Variants in RAB14 observed in about 807,000 individuals in gnomAD.
RAB14 encodes ras-related protein Rab-14.
In RAB14, 3 loss-of-function variants were observed where a neutral mutation model predicts 31.1. That is an observed-to-expected ratio of 0.10 (90% CI 0.04 to 0.25). The LOEUF is 0.25. Ranked by LOEUF, RAB14 falls within the 10% of genes least tolerant of loss-of-function variation. The pLI is 1.00. For synonymous variants in RAB14, 85 were observed against 84.9 expected (o/e 1.00, Z 0.00); for missense variants, 111 against 260.1 (o/e 0.43, Z 3.94).
At chr9:121,190,226 G>A (rs965922028) in intron 4 of RAB14, among the ~76,000 whole-genome samples, 6 of 152,038 alleles carry the variant, frequency 3.9e-5, no homozygotes, top group Non-Finnish European at 7.4e-5. Context: ...CCAAGAGTGA[G>A]TTGCTTGCTT....
chr9:121,193,559 A>G (rs2053698018), intron 1 of RAB14, 140 bp from the exon 2 acceptor site: 4 of 601,850 alleles, frequency 6.6e-6, no homozygotes, highest in Non-Finnish European at 8.8e-6. Context: ...ATAAAACTGC[A>G]TTTCACAAAC....
chr9:121,199,479 T>C (rs12335895), intron 1 of RAB14, among the ~76,000 whole-genome samples: 1,861 of 152,326 alleles, frequency 0.012, 120 homozygotes, highest in Admixed American at 0.093. Context: ...CATCTCTCAA[T>C]AGCCCAAGTT....
Position 121,182,883 on chromosome 9 carries a change from G to C in RAB14, c.470+47C>G, listed in dbSNP as rs370183802. 4 of 1,542,454 alleles carry C rather than the reference G, an allele frequency of 2.6e-6. No individual in the cohort carries two copies. The Admixed American group carries it at 6.9e-5, about 26-fold the overall frequency. On this transcript the variant is annotated intron_variant, in intron 7 of 7. Transcript: ENST00000373840. ...CTTTTCATATATACGGTTCTACTTTGAGAAACTTGAATATAATTGAAATAT... is the reference window on the plus strand; with the variant it reads ...CTTTTCATATATACGGTTCTACTTTCAGAAACTTGAATATAATTGAAATAT...
chr9:121,189,961 T>C (rs913064475), intron 4 of RAB14, among the ~76,000 whole-genome samples: 18 of 152,268 alleles, frequency 1.2e-4, no homozygotes, highest in Admixed American at 1.1e-3. Flanking sequence ...TACAGTAGTT[T>C]TATTACTTTA....
chr9:121,183,436 A>G (rs1395623150), intron 5 of RAB14, 38 bp from the exon 6 acceptor site: 1 of 1,478,252 alleles, frequency 6.8e-7, no homozygotes, highest in Non-Finnish European at 9.3e-7. Context: ...TTGTAACAAA[A>G]GCAGTAATTT....
chr9:121,189,791 C>T (rs888684363), intron 4 of RAB14, among the ~76,000 whole-genome samples: 15 of 152,096 alleles, frequency 9.9e-5, no homozygotes, highest in African/African-American at 3.6e-4. Flanking sequence ...CCCACTCGCC[C>T]ATCTTTACCC....
At chr9:121,185,326 T>G (rs940078104) in intron 5 of RAB14, among the ~76,000 whole-genome samples, 3 of 152,174 alleles carry the variant, frequency 2.0e-5, no homozygotes, top group Non-Finnish European at 4.4e-5. Context: ...TAGGATGTTA[T>G]GTAACTATAA....
At chr9:121,192,133 A>T in intron 3 of RAB14, 38 bp downstream of exon 3, 1 of 1,402,820 alleles carries the variant, frequency 7.1e-7, no homozygotes, top group Non-Finnish European at 9.8e-7. Flanking sequence ...ATGGCGATAA[A>T]GAAAACTATT....
chr9:121,199,264 C>A lies in RAB14; in HGVS notation c.-8+2375G>T, dbSNP rs1441705919. 2.0e-5 allele frequency among the ~76,000 whole-genome samples: 3 copies of A among 152,170 alleles called. No homozygotes were observed. The East Asian group carries it at 5.8e-4, about 29-fold the overall frequency. On this transcript the variant is annotated intron_variant, in intron 1 of 7. Coordinates refer to ENST00000373840, the MANE Select transcript of RAB14 (RefSeq NM_016322.4). ...TGTATATTGATGAAGCAAGACTGAT[C>A]ACTGTTGACACTGGCTGATAGGTAT...
At chr9:121,194,131 T>C (rs1043779401) in intron 1 of RAB14, among the ~76,000 whole-genome samples, 1 of 113,514 alleles carries the variant, frequency 8.8e-6, no homozygotes, top group Non-Finnish European at 2.1e-5. Context: ...CACACACACA[T>C]TTTTTGAAGA....
intron 1 of RAB14, among the ~76,000 whole-genome samples, chr9:121,198,776 C>T (rs992046153): frequency 2.0e-5 from 3 of 152,306 alleles, no homozygotes; most frequent in Non-Finnish European, 2.9e-5. Flanking sequence ...TGGAACTCAA[C>T]AACAGAAGCA....
intron 1 of RAB14, among the ~76,000 whole-genome samples, chr9:121,198,041 A>ACACT: frequency 1.3e-5 from 2 of 152,042 alleles, no homozygotes; most frequent in Non-Finnish European, 2.9e-5. Context: ...ACACACACAC[A>ACACT]CACTCAACCC....
chr9:121,184,951 G>T (rs946287425), intron 5 of RAB14, among the ~76,000 whole-genome samples: 1 of 152,066 alleles, frequency 6.6e-6, no homozygotes. Context: ...TCCAAATAAG[G>T]CTTCTTATCT....
chr9:121,189,378 T>G (rs1045541015), intron 4 of RAB14, among the ~76,000 whole-genome samples: 1 of 152,150 alleles, frequency 6.6e-6, no homozygotes, highest in African/African-American at 2.4e-5. Context: ...TCTTCAGAAA[T>G]GCATTCCTTA....
At chr9:121,187,359 T>C (rs536405214) in intron 4 of RAB14, among the ~76,000 whole-genome samples, 1 of 152,204 alleles carries the variant, frequency 6.6e-6, no homozygotes, top group South Asian at 2.1e-4. Context: ...CTCAAATTAC[T>C]TTGAAATCAT....
chr9:121,183,373 GCTTT>G lies in RAB14; in HGVS notation c.373_376del (p.Lys125GlnfsTer36), dbSNP rs1296394227. The G allele has an allele frequency of 6.2e-7, 1 of 1,607,974 alleles. No homozygotes were observed. The highest frequency in any genetic ancestry group is 8.5e-7 in the Non-Finnish European group (1 of 1,176,488). On this transcript the variant is annotated frameshift_variant, in exon 6 of 8. Coordinates refer to ENST00000373840, the MANE Select transcript of RAB14 (RefSeq NM_016322.4). LOFTEE classifies it high-confidence loss of function. Reference sequence around the variant, plus strand: ...AACATCTCTCTGTGCCTCCAAATCTGCTTTATTTCCTATGAGAATTATTACCTAA... The same window carrying G: ...AACATCTCTCTGTGCCTCCAAATCTGATTTCCTATGAGAATTATTACCTAA...
At position 121,181,305 on chromosome 9, in the gene RAB14, A is replaced by G. The variant is rs2053631848; in HGVS notation, c.*91T>C. On this transcript the variant is annotated 3_prime_UTR_variant, in exon 8 of 8. Coordinates refer to ENST00000373840, the MANE Select transcript of RAB14 (RefSeq NM_016322.4). Reference sequence around the variant, plus strand: ...TTCTTTTTTTTTAATTAAACCCAGTAAGATGTACAGAAGACAATGAGGCAG... The same window carrying G: ...TTCTTTTTTTTTAATTAAACCCAGTGAGATGTACAGAAGACAATGAGGCAG... 7.9e-7 allele frequency: 1 copy of G among 1,263,724 alleles called. No individual in the cohort carries two copies. Among genetic ancestry groups the G allele is most frequent in the African/African-American group, 1.5e-5 (1 of 67,150 alleles). The allele number at this position is 1,263,724 out of a possible 1,614,324, so 78.3% of individuals were successfully genotyped here. A position where few individuals can be genotyped will look rare whatever the true frequency, so the allele number is the denominator to read the frequency against.
intron 2 of RAB14, among the ~76,000 whole-genome samples, chr9:121,192,581 A>T (rs185725807): frequency 2.0e-4 from 31 of 152,140 alleles, no homozygotes; most frequent in Admixed American, 1.8e-3. Context: ...AACAAATTTC[A>T]AAAACTGACA....
At chr9:121,195,135 T>C (rs750376161) in intron 1 of RAB14, among the ~76,000 whole-genome samples, 13 of 152,130 alleles carry the variant, frequency 8.5e-5, no homozygotes, top group Non-Finnish European at 1.5e-4. Flanking sequence ...CTAAAACTGG[T>C]CTGGATTATT....
Sources: allele counts gnomAD v4.1 joint callset (sites outside exome capture counted in the v4.1 genomes callset), GRCh38; gene constraint gnomAD v4.1.1; transcripts MANE v1.5; gene names NCBI Gene and HGNC (gene_info 2026-07-23, HGNC 2026-07-21).